The following PCSK4 variants were observed in gnomAD, a reference collection of about 807,000 sequenced individuals.
PCSK4 encodes the protein testicular tissue protein Li 135.
PCSK4 carries 64 observed loss-of-function variants against 80.3 expected under a neutral mutation model. The ratio of observed to expected loss-of-function variants is 0.80; its 90% CI spans 0.65 to 0.98. PCSK4 has a LOEUF of 0.98. PCSK4 is among the 50% of genes least tolerant of loss of function. The probability of loss-of-function intolerance (pLI) is 0.00; values close to 1 mark genes in which losing one functional copy is unlikely to be tolerated. For synonymous variants in PCSK4, 561 were observed against 487.6 expected (o/e 1.15, Z -1.98); for missense variants, 1,213 against 1,093.6 (o/e 1.11, Z -1.54).
At chr19:1,481,887 G>T in exon 15 of PCSK4, 1 of 1,592,858 alleles carries the variant, frequency 6.3e-7, no homozygotes, top group South Asian at 1.1e-5. Flanking sequence ...ACGGCCAGGA[G>T]GCTCAGCACC....
At chr19:1,485,523 C>T (rs2084556219) in intron 8 of PCSK4, among the ~76,000 whole-genome samples, 1 of 151,996 alleles carries the variant, frequency 6.6e-6, no homozygotes, top group Non-Finnish European at 1.5e-5. Context: ...TGAGATCATG[C>T]CACTTCACTC....
chr19:1,489,983 T>A, intron 1 of PCSK4, 86 bp from the exon 2 acceptor site: 1 of 1,534,984 alleles, frequency 6.5e-7, no homozygotes, highest in Non-Finnish European at 8.8e-7. Flanking sequence ...CCCTTCTTTG[T>A]CCTTCCCCAG....
At chr19:1,481,890 T>G in exon 15 of PCSK4, 1 of 1,595,468 alleles carries the variant, frequency 6.3e-7, no homozygotes, top group East Asian at 2.2e-5. Context: ...GCCAGGAGGC[T>G]CAGCACCATG....
chr19:1,490,779 C>T (rs573254741), upstream of PCSK4: 1 of 194,512 alleles, frequency 5.1e-6, no homozygotes, highest in Non-Finnish European at 1.0e-5. Flanking sequence ...CCGCCCCTAC[C>T]ATTCCGCCCT....
chr19:1,486,458 G>A (rs1454637690), intron 8 of PCSK4, among the ~76,000 whole-genome samples: 2 of 151,690 alleles, frequency 1.3e-5, no homozygotes, highest in African/African-American at 4.8e-5. Flanking sequence ...CACCACGCCC[G>A]GCTAATTTTT....
intron 13 of PCSK4, 191 bp downstream of exon 13, chr19:1,482,705 C>T: frequency 1.3e-6 from 1 of 749,630 alleles, no homozygotes; most frequent in Non-Finnish European, 2.1e-6. Context: ...TCCCGTGTTA[C>T]CGCACACCTA....
At chr19:1,486,806 G>A in intron 8 of PCSK4, 47 bp downstream of exon 8, 3 of 1,488,624 alleles carry the variant, frequency 2.0e-6, no homozygotes, top group South Asian at 2.3e-5. Flanking sequence ...GCCAGGCTGG[G>A]ATGGCAGGGC....
upstream of PCSK4, chr19:1,490,845 G>C (rs576826803): frequency 5.4e-6 from 1 of 183,694 alleles, no homozygotes; most frequent in Non-Finnish European, 1.1e-5. Flanking sequence ...ATCGCGTCCC[G>C]TTTCTCCAAT....
At chr19:1,488,090 G>A in exon 4 of PCSK4, 2 of 1,613,018 alleles carry the variant, frequency 1.2e-6, no homozygotes, top group South Asian at 1.1e-5. Flanking sequence ...GGGCCTCGCT[G>A]TTCTGCAGGG....
At chr19:1,489,611 A>G in intron 2 of PCSK4, 182 bp downstream of exon 2, 2 of 1,136,140 alleles carry the variant, frequency 1.8e-6, no homozygotes, top group East Asian at 2.6e-5. Context: ...GGCAGGCGCC[A>G]TGATTTCCGT....
exon 10 of PCSK4, chr19:1,483,874 C>T: frequency 6.7e-7 from 1 of 1,496,682 alleles, no homozygotes; most frequent in Non-Finnish European, 8.8e-7. Flanking sequence ...CAGTCCTCGG[C>T]CTGCAGGTGC....
chr19:1,483,668 C>A, exon 11 of PCSK4: 1 of 1,593,716 alleles, frequency 6.3e-7, no homozygotes, highest in South Asian at 1.1e-5. Context: ...GCTCTGGACC[C>A]GGACGGCGCA....
chr19:1,487,279 G>A (rs1261634866), exon 7 of PCSK4: 6 of 1,600,114 alleles, frequency 3.7e-6, no homozygotes, highest in Admixed American at 1.7e-5. Context: ...GGGCCTCGAT[G>A]ACATCGGTGA....
chr19:1,484,101 G>T lies in PCSK4; in HGVS notation c.1095C>A (p.Cys365Ter). Residue 365 changes from cysteine (C) to a stop codon, truncating the protein, a stop_gained, in exon 9 of 15, where the codon TGC becomes TGA. Transcript: ENST00000300954. LOFTEE classifies it high-confidence loss of function. ...CCGAGGTGCCCGTGTGCTGGTCTGT[G>T]CACCCGTGATGCAGGTCCGTGGTGA... 1 of 1,566,074 alleles carries T rather than the reference G, an allele frequency of 6.4e-7. No homozygotes were observed. Among genetic ancestry groups the T allele is most frequent in the South Asian group, 1.2e-5 (1 of 85,320 alleles).
At chr19:1,485,145 C>G (rs950420624) in intron 8 of PCSK4, among the ~76,000 whole-genome samples, 2 of 150,966 alleles carry the variant, frequency 1.3e-5, no homozygotes, top group Non-Finnish European at 2.9e-5. Flanking sequence ...GAGACTCTGT[C>G]TCAAAAAAAT....
At chr19:1,490,774 C>T (rs1019818883), upstream of PCSK4, 5 of 195,678 alleles carry the variant, frequency 2.6e-5, no homozygotes, top group Admixed American at 6.0e-5. Flanking sequence ...CGTTCCCGCC[C>T]CTACCATTCC....
intron 2 of PCSK4, among the ~76,000 whole-genome samples, chr19:1,489,185 G>A (rs780622570): frequency 1.3e-5 from 2 of 148,178 alleles, no homozygotes; most frequent in Admixed American, 1.4e-4. Flanking sequence ...AGGCTGGAGT[G>A]CAATGGCGCG....
intron 8 of PCSK4, among the ~76,000 whole-genome samples, chr19:1,484,492 TAA>T (rs112354021): frequency 2.4e-5 from 3 of 125,832 alleles, no homozygotes; most frequent in Admixed American, 8.0e-5. Context: ...GACTCTGGAT[TAA>T]AAAAAAAAAA....
intron 6 of PCSK4, 51 bp from the exon 7 acceptor site, chr19:1,487,364 C>T: frequency 2.1e-6 from 3 of 1,427,956 alleles, no homozygotes; most frequent in Non-Finnish European, 2.9e-6. Flanking sequence ...CCCTTCCCCA[C>T]ACCCCAGCCC....
Sources: allele counts gnomAD v4.1 joint callset (sites outside exome capture counted in the v4.1 genomes callset), GRCh38; gene constraint gnomAD v4.1.1; transcripts MANE v1.5; gene names NCBI Gene and HGNC (gene_info 2026-07-23, HGNC 2026-07-21).